The following MMAB variants were observed in gnomAD, a reference collection of about 807,000 sequenced individuals.
MMAB encodes metabolism of cobalamin associated B, also known as corrinoid adenosyltransferase MMAB.
A neutral mutation model predicts 30.6 loss-of-function variants in MMAB; 17 were observed. The observed-to-expected ratio is 0.56, with a 90% CI of 0.38 to 0.83. The LOEUF is 0.83. MMAB is among the 40% of genes least tolerant of loss of function. The pLI, the probability that MMAB is intolerant of heterozygous loss-of-function variation, is 0.00. For missense variants in MMAB, 311 were observed against 331.6 expected (o/e 0.94, Z 0.48); for synonymous variants, 134 against 138.6 (o/e 0.97, Z 0.23).
At chr12:109,559,020 G>GACCGCTGCACCGCTGCACCGCTGC in intron 8 of MMAB, 76 bp downstream of exon 8, 1 of 1,113,000 alleles carries the variant, frequency 9.0e-7, no homozygotes, top group Non-Finnish European at 1.4e-6. Context: ...CTGCTTCCCG[G>GACCGCTGCACCGCTGCACCGCTGC]ACCGCTGCAC....
At chr12:109,570,283 C>A (rs897788523) in intron 2 of MMAB, among the ~76,000 whole-genome samples, 9 of 152,038 alleles carry the variant, frequency 5.9e-5, no homozygotes, top group African/African-American at 2.2e-4. Flanking sequence ...TACCCAGTGA[C>A]AGAAACAGCC....
rs1884747870 is a variant in MMAB at position 109,573,473 on chromosome 12, A to G, written c.8T>C (p.Val3Ala). 6 of 1,604,002 alleles carry G rather than the reference A, an allele frequency of 3.7e-6. No homozygotes were observed. The highest frequency in any genetic ancestry group is 1.7e-5 in the Admixed American group (1 of 59,508). Residue 3 changes from valine to alanine, a missense_variant, in exon 1 of 9, where the codon GTG (valine) becomes GCG (alanine). Transcript: ENST00000545712. MA[V>A]CGLGSRLGLG... ...GCCAAGACGGCTCCCCAGGCCGCAC[A>G]CAGCCATGAGCCAGGCTGCTTGACG...
chr12:109,573,147 C>T lies in MMAB; in HGVS notation c.134+200G>A, dbSNP rs1041907971. 3.3e-5 allele frequency: 22 copies of T among 670,172 alleles called. No individual in the cohort carries two copies. The Admixed American group carries it at 3.9e-4, about 12-fold the overall frequency. 41.5% of individuals were successfully genotyped at this position (670,172 alleles called of 1,614,324 possible). On this transcript the variant is annotated intron_variant, in intron 1 of 8. Transcript: ENST00000545712. ...TATGCCCTGCCCTGCCCGATGATAG[C>T]GGGACTTCATTGGGACTTAGGCAAA...
chr12:109,573,144 T>C lies in MMAB; in HGVS notation c.134+203A>G, dbSNP rs67900037. 5,955 of 663,984 alleles carry C rather than the reference T, an allele frequency of 9.0e-3. 38 individuals carry two copies. The highest frequency in any genetic ancestry group is 0.012 in the Non-Finnish European group (4,513 of 376,262). 41.1% of individuals were successfully genotyped at this position (663,984 alleles called of 1,614,324 possible). A position where few individuals can be genotyped will look rare whatever the true frequency, so the allele number is the denominator to read the frequency against. ...GGATATGCCCTGCCCTGCCCGATGA[T>C]AGCGGGACTTCATTGGGACTTAGGC... On this transcript the variant is annotated intron_variant, in intron 1 of 8. Transcript: ENST00000545712.
intron 1 of MMAB, 157 bp downstream of exon 1, chr12:109,573,190 C>A (rs1884719299): frequency 2.2e-6 from 2 of 916,232 alleles, no homozygotes; most frequent in Non-Finnish European, 1.7e-6. Context: ...TGGTCTCTGG[C>A]GCCCACGTGG....
In MMAB at chr12:109,569,134, C is replaced by T. The variant is rs1193447094; in HGVS notation, c.197-271G>A. Among the ~76,000 whole-genome samples the T allele has an allele frequency of 1.3e-5, 2 of 151,918 alleles. No homozygotes were observed. Among genetic ancestry groups the T allele is most frequent in the African/African-American group, 2.4e-5 (1 of 41,350 alleles). ...CTAATTTTTGTATTTTTAGTAGAGA[C>T]GGGTTTTCGCCCATGTTGGCCGAGC... is the stretch of plus-strand genomic sequence containing the variant. On this transcript the variant is annotated intron_variant, in intron 2 of 8. Transcript: ENST00000545712. The surrounding 1 kb of genome is among the most constrained non-coding windows in gnomAD (Gnocchi z 4.1).
chr12:109,562,333 G>A (rs1233905314), intron 4 of MMAB, among the ~76,000 whole-genome samples: 1 of 152,252 alleles, frequency 6.6e-6, no homozygotes, highest in East Asian at 1.9e-4. Flanking sequence ...TCCGGTCTCA[G>A]GTAGTTCTTT....
In MMAB at chr12:109,553,819, G is replaced by A. The variant is rs1293604488; in HGVS notation, c.*3209C>T. ...GTTCAGTAGTGATCACTGGGACAGG[G>A]CGATCATAAAACTGAATGGGCTGTC... On this transcript the variant is annotated 3_prime_UTR_variant, in exon 9 of 9. Transcript: ENST00000545712. 7 of 452,960 alleles carry A rather than the reference G, an allele frequency of 1.5e-5. No homozygotes were observed. Among genetic ancestry groups the A allele is most frequent in the Non-Finnish European group, 3.1e-5 (7 of 225,852 alleles). 28.1% of individuals were successfully genotyped at this position (452,960 alleles called of 1,614,324 possible).
At chr12:109,564,379 GTTTTTTTTTTT>G (rs869192707) in intron 4 of MMAB, among the ~76,000 whole-genome samples, 1 of 126,756 alleles carries the variant, frequency 7.9e-6, no homozygotes, top group South Asian at 2.6e-4. Context: ...GGAGACAGAG[GTTTTTTTTTTT>G]TTTTTTTTTT....
chr12:109,557,213 C>T (rs72650182), intron 8 of MMAB, 77 bp from the exon 9 acceptor site: 440 of 985,254 alleles, frequency 4.5e-4, no homozygotes, highest in Non-Finnish European at 9.2e-5. Context: ...TTCCCATATC[C>T]GCCTACAAGG....
chr12:109,556,122 TAGC>T lies in MMAB; in HGVS notation c.*903_*905del. ...TGCTGGCACTGGCAGTGTCGTTTCA[TAGC>T]AGGAGGGAGCAGCAGTGACAACTGA... is the stretch of plus-strand genomic sequence containing the variant. On this transcript the variant is annotated 3_prime_UTR_variant, in exon 9 of 9. Transcript: ENST00000545712. The T allele has an allele frequency of 2.2e-6, 1 of 453,694 alleles. No individual in the cohort carries two copies. 28.1% of individuals were successfully genotyped at this position (453,694 alleles called of 1,614,324 possible). A position where few individuals can be genotyped will look rare whatever the true frequency, so the allele number is the denominator to read the frequency against.
At chr12:109,567,486 CCT>C (rs1884476511) in intron 3 of MMAB, among the ~76,000 whole-genome samples, 1 of 152,142 alleles carries the variant, frequency 6.6e-6, no homozygotes, top group African/African-American at 2.4e-5. Context: ...TGCTGCTCCC[CCT>C]GTCACCAGCC....
intron 8 of MMAB, among the ~76,000 whole-genome samples, chr12:109,557,394 C>A (rs184935571): frequency 3.2e-4 from 48 of 152,322 alleles, no homozygotes; most frequent in Middle Eastern, 3.4e-3. Flanking sequence ...CCCGGCCCTA[C>A]CCCATGGGGC....
At chr12:109,571,231 A>G (rs990824971) in intron 2 of MMAB, among the ~76,000 whole-genome samples, 2 of 151,852 alleles carry the variant, frequency 1.3e-5, no homozygotes, top group African/African-American at 4.8e-5. Flanking sequence ...TCTGTCAAAT[A>G]TCATACTTTT....
At chr12:109,565,464 G>A (rs1376059198) in intron 3 of MMAB, among the ~76,000 whole-genome samples, 1 of 152,160 alleles carries the variant, frequency 6.6e-6, no homozygotes, top group South Asian at 2.1e-4. Context: ...AGCTGACCCA[G>A]GCTCTCTCCA....
chr12:109,561,119 G>C lies in MMAB; in HGVS notation c.520-15C>G. 1 of 1,608,840 alleles carries C rather than the reference G, an allele frequency of 6.2e-7. No homozygotes were observed. The highest frequency in any genetic ancestry group is 8.5e-7 in the Non-Finnish European group (1 of 1,179,972). On this transcript the variant is annotated splice_polypyrimidine_tract_variant and intron_variant, in intron 6 of 8. Coordinates refer to ENST00000545712, the MANE Select transcript of MMAB (RefSeq NM_052845.4). This position sits in a 1 kb window ranked among gnomAD's most constrained non-coding sequence, Gnocchi z 5.3. The stretch of plus-strand genomic sequence containing the variant: ...TTGCCTCCCGACTGAAAGGAGAAAG[G>C]GACATTGCCTGAGCAGGGTGGGAAA...
chr12:109,570,358 C>A (rs1884590206), intron 2 of MMAB, among the ~76,000 whole-genome samples: 1 of 152,174 alleles, frequency 6.6e-6, no homozygotes, highest in South Asian at 2.1e-4. Context: ...CAACACAAGC[C>A]CAACCCTACA....
chr12:109,571,621 T>G (rs374791407), intron 2 of MMAB, 28 bp downstream of exon 2: 2 of 1,602,772 alleles, frequency 1.2e-6, no homozygotes, highest in African/African-American at 1.3e-5. Context: ...GAGTATTTCT[T>G]TGCATTTTTC....
chr12:109,561,807 A>C lies in MMAB; in HGVS notation c.394T>G (p.Cys132Gly). ...QDVGSALATP[C>G]SSAREAHLKY... ...AAGTGAGCCTCCCGGGCCGAGGAGCATGGTGTCGCCAGGGCCGAGCCGACG... is the reference window on the plus strand; with the variant it reads ...AAGTGAGCCTCCCGGGCCGAGGAGCCTGGTGTCGCCAGGGCCGAGCCGACG... The change falls in exon 5 of 9, where the codon TGC becomes GGC. Residue 132 changes from cysteine to glycine, a missense_variant. Cys to Gly is a radical substitution (Grantham distance 159). Coordinates refer to ENST00000545712, the MANE Select transcript of MMAB (RefSeq NM_052845.4). This position sits in a 1 kb window ranked among gnomAD's most constrained non-coding sequence, Gnocchi z 5.3. 1.2e-6 allele frequency: 2 copies of C among 1,610,186 alleles called. No individual in the cohort carries two copies. Among genetic ancestry groups the C allele is most frequent in the Non-Finnish European group, 1.7e-6 (2 of 1,178,240 alleles).
Sources: gnomAD v4.1 joint callset for allele counts (sites outside exome capture counted in the v4.1 genomes callset) on GRCh38, gnomAD v4.1.1 for gene constraint, Gnocchi (gnomAD v3.1) non-coding constraint, MANE v1.5 for transcripts, NCBI Gene and HGNC (gene_info 2026-07-23, HGNC 2026-07-21) for gene names.